The following CUBN variants were observed in gnomAD, a reference collection of about 807,000 sequenced individuals.
The protein encoded by CUBN is 460 kDa receptor.
CUBN carries 282 observed loss-of-function variants against 405.3 expected under a neutral mutation model. The observed-to-expected ratio is 0.70, with a 90% CI of 0.63 to 0.77. The LOEUF (loss-of-function observed/expected upper bound fraction) is 0.77, where lower values mean the gene tolerates loss of function less well. Among genes scored for constraint, CUBN ranks in the 30% least tolerant of loss-of-function variants. The probability of loss-of-function intolerance (pLI) is 0.00; values close to 1 mark genes in which losing one functional copy is unlikely to be tolerated. For synonymous variants in CUBN, 1,684 were observed against 1,617.0 expected (o/e 1.04, Z -0.99); for missense variants, 4,514 against 4,475.2 (o/e 1.01, Z -0.25).
chr10:16,956,759 C>A (rs929407247), intron 31 of CUBN, among the ~76,000 whole-genome samples: 10 of 152,086 alleles, frequency 6.6e-5, no homozygotes, highest in African/African-American at 2.4e-4. Flanking sequence ...TCTTAAGGCA[C>A]AGACTATTTA....
Position 16,950,032 on chromosome 10 carries a change from C to G in CUBN, c.5049G>C (p.Leu1683Phe), listed in dbSNP as rs141941868. The part of the protein sequence containing the change: ...TTCARDFVEI[L>F]DGGHEDAPLR... ...GGGGCGCGTCTTCGTGGCCGCCATCCAAAATTTCTACAAAGTCACGTGCAC... is the reference window on the plus strand; with the variant it reads ...GGGGCGCGTCTTCGTGGCCGCCATCGAAAATTTCTACAAAGTCACGTGCAC... Residue 1683 changes from leucine to phenylalanine, a missense_variant, in exon 34 of 67, where the codon TTG becomes TTC. Around this residue, in one of 5 missense-constraint regions of CUBN, gnomAD observed 1,613 missense variants for 1,542.8 expected, o/e 1.05. Transcript: ENST00000377833. The G allele has an allele frequency of 3.8e-5, 61 of 1,613,898 alleles. No homozygotes were observed. The African/African-American group carries it at 6.4e-4, about 17-fold the overall frequency.
chr10:16,840,836 T>G (rs1839324972), intron 61 of CUBN, 49 bp downstream of exon 61: 9 of 1,487,166 alleles, frequency 6.1e-6, no homozygotes, highest in Non-Finnish European at 7.5e-6. Flanking sequence ...TTTCAGTGCA[T>G]AAATACATGT....
intron 29 of CUBN, among the ~76,000 whole-genome samples, chr10:16,989,485 A>G (rs1466892839): frequency 6.7e-6 from 1 of 148,316 alleles, no homozygotes; most frequent in Non-Finnish European, 1.5e-5. Context: ...AGAATATTAC[A>G]TAAATAATGT....
intron 27 of CUBN, among the ~76,000 whole-genome samples, chr10:17,039,278 G>A (rs913960690): frequency 3.9e-5 from 6 of 152,170 alleles, no homozygotes; most frequent in East Asian, 1.9e-4. Context: ...GTAGGAGGTC[G>A]TACAAAAACG....
At chr10:16,945,655 C>A (rs1370701018) in intron 36 of CUBN, among the ~76,000 whole-genome samples, 4 of 151,342 alleles carry the variant, frequency 2.6e-5, no homozygotes, top group African/African-American at 7.3e-5. Flanking sequence ...GTAATCCTAG[C>A]TACTCAGGAG....
chr10:16,876,720 T>C (rs1293330185), intron 57 of CUBN, among the ~76,000 whole-genome samples, 177 bp downstream of exon 57: 1 of 152,230 alleles, frequency 6.6e-6, no homozygotes, highest in Admixed American at 6.5e-5. Context: ...AAAGGTCCTC[T>C]TCTTTTTAAG....
At chr10:17,127,712 T>TGTAAC in intron 3 of CUBN, 117 bp downstream of exon 3, 9 of 695,128 alleles carry the variant, frequency 1.3e-5, no homozygotes, top group Non-Finnish European at 2.3e-5. Flanking sequence ...CAGTGAGTAG[T>TGTAAC]TACATGCTAA....
intron 6 of CUBN, among the ~76,000 whole-genome samples, chr10:17,120,059 G>A (rs1196960347): frequency 2.6e-5 from 4 of 152,186 alleles, no homozygotes. Context: ...TTGATGCCAT[G>A]ACTACATTTT....
At position 17,071,463 on chromosome 10, in the gene CUBN, A is replaced by G. The variant is rs1835737795; in HGVS notation, c.2588T>C (p.Ile863Thr). 4 of 1,613,986 alleles carry G rather than the reference A, an allele frequency of 2.5e-6. No homozygotes were observed. Among genetic ancestry groups the G allele is most frequent in the Non-Finnish European group, 3.4e-6 (4 of 1,179,940 alleles). The part of the protein sequence containing the change: ...VILLNFTVFE[I>T]GSSAHCETDY... Reference sequence around the variant, plus strand: ...TGTTTCACAGTGGGCAGAACTTCCAATTTCAAAGACAGTGAAGTTGAGGAG... The same window carrying G: ...TGTTTCACAGTGGGCAGAACTTCCAGTTTCAAAGACAGTGAAGTTGAGGAG... Residue 863 changes from isoleucine (I) to threonine (T), a missense_variant, in exon 19 of 67, where the codon ATT (isoleucine) becomes ACT (threonine). Around this residue, in one of 5 missense-constraint regions of CUBN, gnomAD observed 1,448 missense variants for 1,388.0 expected, o/e 1.04. Coordinates refer to ENST00000377833, the MANE Select transcript of CUBN (RefSeq NM_001081.4).
chr10:17,118,128 C>T (rs1564522301), intron 6 of CUBN, among the ~76,000 whole-genome samples: 3 of 152,146 alleles, frequency 2.0e-5, no homozygotes, highest in South Asian at 4.1e-4. Flanking sequence ...AGGCATTAAT[C>T]CTATACTGTT....
intron 31 of CUBN, among the ~76,000 whole-genome samples, chr10:16,981,351 C>T (rs12255119): frequency 0.15 from 23,326 of 152,144 alleles, 2,108 homozygotes; most frequent in Middle Eastern, 0.23. Context: ...CTGAGAGCCA[C>T]TTCTACCTCT....
chr10:16,966,175 T>C (rs1687707), intron 31 of CUBN, among the ~76,000 whole-genome samples: 50,413 of 151,716 alleles, frequency 0.33, 8,596 homozygotes, highest in Middle Eastern at 0.45. Context: ...AAGTCTTATA[T>C]TGGGCTCCCG....
chr10:16,899,160 C>G lies in CUBN; in HGVS notation c.8434G>C (p.Asp2812His), dbSNP rs1443486214. Reference sequence around the variant, plus strand: ...TGAGGGGATCTGATTGTACCATTATCAGAATGAAATATTCCACCACAACCT... The same window carrying G: ...TGAGGGGATCTGATTGTACCATTATGAGAATGAAATATTCCACCACAACCT... The part of the protein sequence containing the change: ...TLGCGGIFHS[D>H]NGTIRSPHWP... The change falls in exon 54 of 67, where the codon GAT becomes CAT. Residue 2812 changes from aspartate (D) to histidine (H), a missense_variant. Asp to His is a moderately conservative substitution (Grantham distance 81). This residue lies in a region of CUBN where 1,186 missense variants were observed against 1,186.9 expected (regional missense o/e 1.00). Coordinates refer to ENST00000377833, the MANE Select transcript of CUBN (RefSeq NM_001081.4). 1.9e-6 allele frequency: 3 copies of G among 1,613,954 alleles called. No homozygotes were observed. The highest frequency in any genetic ancestry group is 2.5e-6 in the Non-Finnish European group (3 of 1,179,878).
At chr10:17,099,013 T>C (rs1836436665) in intron 14 of CUBN, among the ~76,000 whole-genome samples, 1 of 152,322 alleles carries the variant, frequency 6.6e-6, no homozygotes, top group Non-Finnish European at 1.5e-5. Context: ...GTAATTCCCA[T>C]AAAATTCTTT....
chr10:16,945,598 T>A (rs538619686), intron 36 of CUBN, among the ~76,000 whole-genome samples: 1 of 151,694 alleles, frequency 6.6e-6, no homozygotes, highest in African/African-American at 2.4e-5. Flanking sequence ...TGAAACTCCA[T>A]CACTACTAAA....
At chr10:16,926,191 G>C (rs1329333683) in intron 41 of CUBN, among the ~76,000 whole-genome samples, 1 of 152,164 alleles carries the variant, frequency 6.6e-6, no homozygotes, top group Non-Finnish European at 1.5e-5. Context: ...GCAGAGACAT[G>C]AATGAAATGA....
intron 22 of CUBN, among the ~76,000 whole-genome samples, chr10:17,057,366 G>A (rs1376542285): frequency 2.0e-5 from 3 of 152,078 alleles, no homozygotes; most frequent in South Asian, 2.1e-4. Context: ...CATGGCAATG[G>A]CACACTGTCA....
chr10:17,100,377 A>G (rs1836469413), intron 13 of CUBN, 138 bp from the exon 14 acceptor site: 8 of 679,270 alleles, frequency 1.2e-5, no homozygotes, highest in South Asian at 3.2e-5. Flanking sequence ...CCACCAGTAC[A>G]TATGGCAATC....
intron 14 of CUBN, among the ~76,000 whole-genome samples, chr10:17,098,904 T>A (rs1836434227): frequency 6.6e-6 from 1 of 152,112 alleles, no homozygotes; most frequent in African/African-American, 2.4e-5. Flanking sequence ...CCAGGATAAA[T>A]GAAAAGAGAA....
Sources: gnomAD v4.1 joint callset for allele counts (sites outside exome capture counted in the v4.1 genomes callset) on GRCh38, gnomAD v4.1.1 for gene constraint, gnomAD v4.1.1 regional missense constraint, MANE v1.5 for transcripts, NCBI Gene and HGNC (gene_info 2026-07-23, HGNC 2026-07-21) for gene names.